SRSF6: variants seen among roughly 807,000 people sequenced by gnomAD.
SRSF6 encodes serine/arginine-rich splicing factor 6.
Under a neutral mutation model 42.0 loss-of-function variants are expected in SRSF6, and 17 were observed. The observed-to-expected ratio is 0.40, with a 90% CI of 0.28 to 0.61. The LOEUF is 0.61. Among genes scored for constraint, SRSF6 ranks in the 20% least tolerant of loss-of-function variants. The pLI, the probability that SRSF6 is intolerant of heterozygous loss-of-function variation, is 0.37. For synonymous variants in SRSF6, 204 were observed against 166.7 expected (o/e 1.22, Z -1.72); for missense variants, 379 against 471.4 (o/e 0.80, Z 1.81).
In SRSF6 at chr20:43,460,687, G is replaced by GT; in HGVS notation, c.675-15dup. On this transcript the variant is annotated splice_polypyrimidine_tract_variant and intron_variant, in intron 5 of 5. Transcript: ENST00000244020. Reference sequence around the variant, plus strand: ...TTCTCACTAAGTATTGAGAAAATCGGTCTTTCCTTGTCCAGTTCCAGGTCG... The same window carrying GT: ...TTCTCACTAAGTATTGAGAAAATCGGTTCTTTCCTTGTCCAGTTCCAGGTCG... 6.2e-7 allele frequency: 1 copy of GT among 1,612,340 alleles called. No individual in the cohort carries two copies. Among genetic ancestry groups the GT allele is most frequent in the Middle Eastern group, 1.7e-4 (1 of 6,054 alleles).
rs1043106123 is a variant in SRSF6 at position 43,457,928 on chromosome 20, G to C, written c.-106G>C. On this transcript the variant is annotated 5_prime_UTR_variant, in exon 1 of 6. Transcript: ENST00000244020. ...GGCTGGACTCGGCCGCCCCTGTGGTGTGAGGCGCGTGTTCGGGCTCTTGCC... is the reference window on the plus strand; with the variant it reads ...GGCTGGACTCGGCCGCCCCTGTGGTCTGAGGCGCGTGTTCGGGCTCTTGCC... 1.1e-6 allele frequency: 1 copy of C among 940,960 alleles called. No homozygotes were observed. The highest frequency in any genetic ancestry group is 1.7e-5 in the African/African-American group (1 of 59,654). 58.3% of individuals were successfully genotyped at this position (940,960 alleles called of 1,614,324 possible).
chr20:43,459,695 G>A, intron 2 of SRSF6, 76 bp from the exon 3 acceptor site: 3 of 1,599,670 alleles, frequency 1.9e-6, no homozygotes, highest in East Asian at 2.2e-5. Context: ...AAGTTGATAT[G>A]TTTGTACTAA....
chr20:43,460,206 A>C lies in SRSF6; in HGVS notation c.555A>C (p.Thr185=), dbSNP rs1401751410. The C allele has an allele frequency of 2.5e-6, 4 of 1,614,086 alleles. No individual in the cohort carries two copies. Among genetic ancestry groups the C allele is most frequent in the Non-Finnish European group, 3.4e-6 (4 of 1,180,026 alleles). The change falls in exon 4 of 6, where the codon ACA becomes ACC. Residue 185 remains threonine, a synonymous_variant. Coordinates refer to ENST00000244020, the MANE Select transcript of SRSF6 (RefSeq NM_006275.6). ...GGCTTATTGAAGATAAGCCACGCAC[A>C]AGCCATAGGCGATCTTACTCTGGAA... ...NIRLIEDKPR[T]SHRRSYSGSR...
chr20:43,458,657 G>C (rs1427481657), intron 2 of SRSF6, 148 bp downstream of exon 2: 7 of 828,968 alleles, frequency 8.4e-6, no homozygotes, highest in Middle Eastern at 3.7e-4. Flanking sequence ...CGTCTGCCCG[G>C]GGCAGCCATG....
Position 43,460,507 on chromosome 20 carries a change from C to T in SRSF6, c.591-8C>T, listed in dbSNP as rs1278218868. On this transcript the variant is annotated splice_polypyrimidine_tract_variant and splice_region_variant and intron_variant, in intron 4 of 5. Coordinates refer to ENST00000244020, the MANE Select transcript of SRSF6 (RefSeq NM_006275.6). ...GGGATTAAGACTTCATTGTTTTTCT[C>T]CTAATAGGTCTCGATCTAGAAGACG... 1.2e-6 allele frequency: 2 copies of T among 1,612,336 alleles called. No homozygotes were observed. Among genetic ancestry groups the T allele is most frequent in the East Asian group, 2.2e-5 (1 of 44,862 alleles).
At chr20:43,460,659 A>G in intron 5 of SRSF6, 44 bp from the exon 6 acceptor site, 1 of 1,612,738 alleles carries the variant, frequency 6.2e-7, no homozygotes, top group Non-Finnish European at 8.5e-7. Flanking sequence ...GAGTATGTGT[A>G]CATTCTCACT....
chr20:43,464,188 T>C lies in SRSF6; in HGVS notation c.*3125T>C, dbSNP rs2017649518. 1 of 152,210 alleles carries C rather than the reference T, an allele frequency of 6.6e-6. No individual in the cohort carries two copies. The highest frequency in any genetic ancestry group is 2.1e-4 in the South Asian group (1 of 4,830). 9.4% of individuals were successfully genotyped at this position (152,210 alleles called of 1,614,324 possible). On this transcript the variant is annotated 3_prime_UTR_variant, in exon 6 of 6. Transcript: ENST00000244020. ...CCTTTCAGTTGTCTATCAGCATGAA[T>C]TTAAAAATTACTTTCAAGATTCAAC...
Position 43,460,244 on chromosome 20 carries a change from A to G in SRSF6, c.590+3A>G, listed in dbSNP as rs929908497. 2.5e-6 allele frequency: 4 copies of G among 1,613,944 alleles called. No individual in the cohort carries two copies. The highest frequency in any genetic ancestry group is 3.4e-6 in the Non-Finnish European group (4 of 1,179,906). ...TCTTACTCTGGAAGCAGATCCAGGTAACTTGTTGAAGGACACTGTGGGAAG... is the reference window on the plus strand; with the variant it reads ...TCTTACTCTGGAAGCAGATCCAGGTGACTTGTTGAAGGACACTGTGGGAAG... On this transcript the variant is annotated splice_donor_region_variant and intron_variant, in intron 4 of 5. Coordinates refer to ENST00000244020, the MANE Select transcript of SRSF6 (RefSeq NM_006275.6).
chr20:43,461,367 T>TAG lies in SRSF6; in HGVS notation c.*304_*305insAG, dbSNP rs2017595286. ...TTTTTTTTTTTTTTTTTTTTTTTTT[T>TAG]TTTTTTTAGTATTTCAGCAGGATCT... On this transcript the variant is annotated 3_prime_UTR_variant, in exon 6 of 6. Transcript: ENST00000244020. 1 of 176,924 alleles carries TAG rather than the reference T, an allele frequency of 5.7e-6. No homozygotes were observed. The allele number at this position is 176,924 out of a possible 1,614,324, so 11.0% of individuals were successfully genotyped here. A position where few individuals can be genotyped will look rare whatever the true frequency, so the allele number is the denominator to read the frequency against.
intron 4 of SRSF6, 70 bp downstream of exon 4, chr20:43,460,311 T>A: frequency 6.5e-7 from 1 of 1,530,230 alleles, no homozygotes; most frequent in Non-Finnish European, 9.0e-7. Flanking sequence ...TTGAGTGATG[T>A]CAATTGTTGC....
In SRSF6 at chr20:43,462,661, T is replaced by C. The variant is rs888152177; in HGVS notation, c.*1598T>C. 2.6e-4 allele frequency: 40 copies of C among 152,222 alleles called. No individual in the cohort carries two copies. Among genetic ancestry groups the C allele is most frequent in the African/African-American group, 9.4e-4 (39 of 41,466 alleles). 9.4% of individuals were successfully genotyped at this position (152,222 alleles called of 1,614,324 possible). A position where few individuals can be genotyped will look rare whatever the true frequency, so the allele number is the denominator to read the frequency against. On this transcript the variant is annotated 3_prime_UTR_variant, in exon 6 of 6. Transcript: ENST00000244020. Reference sequence around the variant, plus strand: ...AAATTTGAGTCAAATATCTAGGGCATTCACAGAGTAGCTGTGAGTTCTTGG... The same window carrying C: ...AAATTTGAGTCAAATATCTAGGGCACTCACAGAGTAGCTGTGAGTTCTTGG...
At position 43,461,884 on chromosome 20, in the gene SRSF6, T is replaced by A. The variant is rs1188472066; in HGVS notation, c.*821T>A. 6.6e-6 allele frequency: 1 copy of A among 152,284 alleles called. No individual in the cohort carries two copies. Among genetic ancestry groups the A allele is most frequent in the Non-Finnish European group, 1.5e-5 (1 of 68,042 alleles). 9.4% of individuals were successfully genotyped at this position (152,284 alleles called of 1,614,324 possible). On this transcript the variant is annotated 3_prime_UTR_variant, in exon 6 of 6. Coordinates refer to ENST00000244020, the MANE Select transcript of SRSF6 (RefSeq NM_006275.6). ...TAGCTCCTAATACTTGGGATCTTGT[T>A]TAGAGAATCCACTTTCTGGAAGTTC... is the stretch of plus-strand genomic sequence containing the variant.
chr20:43,462,817 T>C lies in SRSF6; in HGVS notation c.*1754T>C, dbSNP rs757106491. On this transcript the variant is annotated 3_prime_UTR_variant, in exon 6 of 6. Transcript: ENST00000244020. Reference sequence around the variant, plus strand: ...CATTATCTTATTTTCTTTGATACTTTATTTAATTAGATGTTTATAAAGAAA... The same window carrying C: ...CATTATCTTATTTTCTTTGATACTTCATTTAATTAGATGTTTATAAAGAAA... 5.9e-5 allele frequency: 9 copies of C among 152,610 alleles called. No individual in the cohort carries two copies. Among genetic ancestry groups the C allele is most frequent in the Non-Finnish European group, 1.3e-4 (9 of 68,028 alleles). 9.5% of individuals were successfully genotyped at this position (152,610 alleles called of 1,614,324 possible). A position where few individuals can be genotyped will look rare whatever the true frequency, so the allele number is the denominator to read the frequency against.
At chr20:43,458,748 C>T (rs1321595064) in intron 2 of SRSF6, among the ~76,000 whole-genome samples, 2 of 152,150 alleles carry the variant, frequency 1.3e-5, no homozygotes, top group Non-Finnish European at 2.9e-5. Flanking sequence ...CTTCTTCTGG[C>T]CCCTTGTCAG....
At chr20:43,460,392 AAC>A in intron 4 of SRSF6, 121 bp from the exon 5 acceptor site, 3 of 1,376,998 alleles carry the variant, frequency 2.2e-6, no homozygotes, top group Non-Finnish European at 3.0e-6. Flanking sequence ...GGATGTTTTG[AAC>A]AGTGTATTTA....
chr20:43,460,957 C>G lies in SRSF6; in HGVS notation c.929C>G (p.Ser310Ter). 6.2e-7 allele frequency: 1 copy of G among 1,614,182 alleles called. No individual in the cohort carries two copies. Among genetic ancestry groups the G allele is most frequent in the Non-Finnish European group, 8.5e-7 (1 of 1,180,036 alleles). ...RSNSPLPVPP[S>*]KARSVSPPPK... ...AATTCGCCGCTACCTGTTCCACCCT[C>G]AAAGGCCCGTTCTGTGTCCCCTCCA... Residue 310 changes from serine to a stop codon, truncating the protein, a stop_gained, in exon 6 of 6, where the codon TCA becomes TGA. Transcript: ENST00000244020. LOFTEE classifies it high-confidence loss of function.
chr20:43,463,442 TCTTTTA>T lies in SRSF6; in HGVS notation c.*2383_*2388del, dbSNP rs1164006768. On this transcript the variant is annotated 3_prime_UTR_variant, in exon 6 of 6. Coordinates refer to ENST00000244020, the MANE Select transcript of SRSF6 (RefSeq NM_006275.6). ...AAGTGAGAACATCTTGATTCCCCTTTCTTTTACTTGATGGTGTTTATGAACATGCCG... is the reference window on the plus strand; with the variant it reads ...AAGTGAGAACATCTTGATTCCCCTTTCTTGATGGTGTTTATGAACATGCCG... 1.3e-5 allele frequency: 2 copies of T among 154,360 alleles called. No individual in the cohort carries two copies. The highest frequency in any genetic ancestry group is 2.9e-5 in the Non-Finnish European group (2 of 68,212). 9.6% of individuals were successfully genotyped at this position (154,360 alleles called of 1,614,324 possible). A position where few individuals can be genotyped will look rare whatever the true frequency, so the allele number is the denominator to read the frequency against.
chr20:43,460,932 A>G lies in SRSF6; in HGVS notation c.904A>G (p.Asn302Asp). ...KSRSRSQSRS[N>D]SPLPVPPSKA... Reference sequence around the variant, plus strand: ...CAGATCAAGGAGCCAGTCCCGTTCCAATTCGCCGCTACCTGTTCCACCCTC... The same window carrying G: ...CAGATCAAGGAGCCAGTCCCGTTCCGATTCGCCGCTACCTGTTCCACCCTC... Residue 302 changes from asparagine to aspartate, a missense_variant, in exon 6 of 6, where the codon AAT (asparagine) becomes GAT (aspartate). Coordinates refer to ENST00000244020, the MANE Select transcript of SRSF6 (RefSeq NM_006275.6). The G allele has an allele frequency of 6.2e-7, 1 of 1,614,156 alleles. No homozygotes were observed. The highest frequency in any genetic ancestry group is 8.5e-7 in the Non-Finnish European group (1 of 1,180,012).
At chr20:43,459,968 C>T (rs1339955746) in intron 3 of SRSF6, 65 bp from the exon 4 acceptor site, 28 of 1,603,864 alleles carry the variant, frequency 1.7e-5, no homozygotes, top group Non-Finnish European at 2.3e-5. Context: ...ATTCTTATTT[C>T]TGGGAATTTA....
Sources: gnomAD v4.1 joint callset for allele counts (sites outside exome capture counted in the v4.1 genomes callset) on GRCh38, gnomAD v4.1.1 for gene constraint, MANE v1.5 for transcripts, NCBI Gene and HGNC (gene_info 2026-07-23, HGNC 2026-07-21) for gene names.